Variants in TPM3 observed in about 807,000 individuals in gnomAD.
TPM3 encodes the protein tropomyosin alpha-3 chain.
In TPM3, 16 loss-of-function variants were observed where a neutral mutation model predicts 43.1. The ratio of observed to expected loss-of-function variants is 0.37; its 90% confidence interval spans 0.25 to 0.56. TPM3 has a LOEUF of 0.56. TPM3 is among the 20% of genes least tolerant of loss of function. TPM3 has a pLI of 0.77. For missense variants in TPM3, 176 were observed against 337.2 expected (o/e 0.52, Z 3.74); for synonymous variants, 101 against 116.9 (o/e 0.86, Z 0.88).
chr1:154,180,309 A>G (rs552893511), intron 2 of TPM3, among the ~76,000 whole-genome samples: 3 of 152,144 alleles, frequency 2.0e-5, no homozygotes, highest in Non-Finnish European at 4.4e-5. Flanking sequence ...ACCATCAGAG[A>G]GTGCAGTTTC....
At chr1:154,174,373 T>TAC (rs1661996759) in intron 3 of TPM3, among the ~76,000 whole-genome samples, 1 of 67,388 alleles carries the variant, frequency 1.5e-5, no homozygotes, top group Admixed American at 1.5e-4. Flanking sequence ...TATGTGTATA[T>TAC]ATATATATAT....
intron 2 of TPM3, chr1:154,178,045 G>A (rs1662536678): frequency 8.7e-6 from 6 of 685,804 alleles, no homozygotes; most frequent in Non-Finnish European, 1.1e-5. Context: ...AACCCAACAA[G>A]GCCATGGATC....
chr1:154,178,892 G>A (rs929160916), intron 2 of TPM3, among the ~76,000 whole-genome samples: 1 of 152,138 alleles, frequency 6.6e-6, no homozygotes, highest in African/African-American at 2.4e-5. Context: ...AGAGTAGAAT[G>A]CCCCAGCAAC....
At chr1:154,178,689 G>A (rs1662615483) in intron 2 of TPM3, among the ~76,000 whole-genome samples, 1 of 152,212 alleles carries the variant, frequency 6.6e-6, no homozygotes, top group African/African-American at 2.4e-5. Flanking sequence ...GTGGCCCTGG[G>A]AAACGTTAAG....
At chr1:154,178,342 G>A in intron 2 of TPM3, 3 of 217,172 alleles carry the variant, frequency 1.4e-5, no homozygotes, top group Non-Finnish European at 2.4e-5. Flanking sequence ...ACACATCTTG[G>A]TGCCCTCCTA....
intron 2 of TPM3, among the ~76,000 whole-genome samples, chr1:154,184,678 C>T (rs1164911124): frequency 1.3e-5 from 2 of 152,070 alleles, no homozygotes; most frequent in Admixed American, 6.6e-5. Flanking sequence ...ATTTGGGAGG[C>T]CAACGCGAGA....
rs1051212 is a variant in TPM3 at position 154,170,459 on chromosome 1, C to T, written c.716G>A (p.Arg239His). Residue 239 changes from arginine to histidine, a missense_variant, in exon 8 of 10, where the codon CGT becomes CAT. Around this residue, in one of 4 missense-constraint regions of TPM3, gnomAD observed 53 missense variants for 98.3 expected, o/e 0.54. Transcript: ENST00000651641. ...TACCGATCTCTCAGCAAACTCAGCA[C>T]GGGTCTCTGCCTGGGGGAAATATGA... ...LTDKLKEAET[R>H]AEFAERSVAK... The T allele has an allele frequency of 6.2e-6, 10 of 1,614,144 alleles. No homozygotes were observed. Among genetic ancestry groups the T allele is most frequent in the South Asian group, 1.1e-5 (1 of 91,076 alleles).
At chr1:154,161,413 G>A (rs1242435883), downstream of TPM3, among the ~76,000 whole-genome samples, 1 of 150,424 alleles carries the variant, frequency 6.6e-6, no homozygotes, top group East Asian at 1.9e-4. Context: ...TTCTCACTTG[G>A]GAAAGAAGGA....
intron 2 of TPM3, among the ~76,000 whole-genome samples, chr1:154,177,359 C>T (rs1289404591): frequency 2.0e-5 from 3 of 152,104 alleles, no homozygotes; most frequent in Non-Finnish European, 4.4e-5. Context: ...CCCTCTAATA[C>T]AGCGACAATC....
At chr1:154,156,799 G>A (rs1479998940), downstream of TPM3, 1 of 198,896 alleles carries the variant, frequency 5.0e-6, no homozygotes, top group Non-Finnish European at 1.0e-5. Flanking sequence ...AATGAGATGA[G>A]TTTCACATGG....
chr1:154,174,382 A>G lies in TPM3; in HGVS notation c.378-1181T>C, dbSNP rs1433534240. Among the ~76,000 whole-genome samples, 636 of 90,466 alleles carry G rather than the reference A, an allele frequency of 7.0e-3. 33 individuals carry two copies. Among genetic ancestry groups the G allele is most frequent in the Non-Finnish European group, 9.2e-3 (445 of 48,464 alleles). The allele number at this position is 90,466 out of a possible 152,430, so 59.3% of individuals were successfully genotyped here. On this transcript the variant is annotated intron_variant, in intron 3 of 9. Coordinates refer to ENST00000651641, the MANE Select transcript of TPM3 (RefSeq NM_152263.4). ...TAAATATATGTGTATATATATATATATATATATATATATATATATATATAT... is the reference window on the plus strand; with the variant it reads ...TAAATATATGTGTATATATATATATGTATATATATATATATATATATATAT...
At chr1:154,185,623 T>C (rs1241007918) in intron 2 of TPM3, among the ~76,000 whole-genome samples, 1 of 150,052 alleles carries the variant, frequency 6.7e-6, no homozygotes, top group Non-Finnish European at 1.5e-5. Context: ...GGCAGGAGAA[T>C]TGCTTGAACC....
At position 154,164,455 on chromosome 1, in the gene TPM3, C is replaced by T. The variant is rs541350248; in HGVS notation, c.*3482G>A. On this transcript the variant is annotated 3_prime_UTR_variant, in exon 10 of 10. Coordinates refer to ENST00000651641, the MANE Select transcript of TPM3 (RefSeq NM_152263.4). ...GATTACAGGCATGAGCCACTGCACC[C>T]GGCTAATTCTCCTACTCTAAAAACC... Among the ~76,000 whole-genome samples, 1 of 152,138 alleles carries T rather than the reference C, an allele frequency of 6.6e-6. No individual in the cohort carries two copies. Among genetic ancestry groups the T allele is most frequent in the East Asian group, 1.9e-4 (1 of 5,174 alleles).
chr1:154,185,610 T>C (rs1294085589), intron 2 of TPM3, among the ~76,000 whole-genome samples: 1 of 149,404 alleles, frequency 6.7e-6, no homozygotes, highest in Non-Finnish European at 1.5e-5. Context: ...CTCGGGAGGC[T>C]GAGGCAGGAG....
chr1:154,172,397 G>A (rs960840659), intron 5 of TPM3: 3 of 617,196 alleles, frequency 4.9e-6, no homozygotes, highest in Non-Finnish European at 9.3e-6. Context: ...TTGGCAAAGT[G>A]GCCAAAACAG....
rs71626802 is a variant in TPM3 at position 154,182,160 on chromosome 1, G to A, written c.244-5912C>T. Among the ~76,000 whole-genome samples the A allele has an allele frequency of 2.8e-3, 431 of 152,306 alleles. 1 individual carries two copies. The highest frequency in any genetic ancestry group is 3.1e-3 in the Non-Finnish European group (210 of 68,016). ...GTTCTTAACCAGTTCGGCTTGCACT[G>A]ATCACACTTCAGCAATAAAGGCCTG... On this transcript the variant is annotated intron_variant, in intron 2 of 9. Transcript: ENST00000651641.
chr1:154,162,379 A>C lies in TPM3; in HGVS notation c.*5558T>G, dbSNP rs1236613275. Among the ~76,000 whole-genome samples the C allele has an allele frequency of 2.6e-5, 4 of 151,604 alleles. No homozygotes were observed. Among genetic ancestry groups the C allele is most frequent in the East Asian group, 1.9e-4 (1 of 5,186 alleles). ...GACTCCGTCTCAAAAAAAAAAAAAA[A>C]AAAAAACACAAACCAACCCCATGGA... On this transcript the variant is annotated 3_prime_UTR_variant, in exon 10 of 10. Coordinates refer to ENST00000651641, the MANE Select transcript of TPM3 (RefSeq NM_152263.4).
chr1:154,158,266 C>T (rs1014628235), downstream of TPM3, among the ~76,000 whole-genome samples: 1 of 152,198 alleles, frequency 6.6e-6, no homozygotes, highest in South Asian at 2.1e-4. Flanking sequence ...GCCAAGAATA[C>T]TACTGAAACA....
chr1:154,158,715 T>C (rs1339412083), downstream of TPM3: 2 of 486,610 alleles, frequency 4.1e-6, no homozygotes, highest in African/African-American at 3.9e-5. Context: ...AACAAAATTC[T>C]CGCAAGTTTT....
Sources: allele counts gnomAD v4.1 joint callset (sites outside exome capture counted in the v4.1 genomes callset), GRCh38; gene constraint gnomAD v4.1.1; regional missense constraint gnomAD v4.1.1; transcripts MANE v1.5; gene names NCBI Gene and HGNC (gene_info 2026-07-23, HGNC 2026-07-21).